BRINP2: variants seen among roughly 807,000 people sequenced by gnomAD.
BRINP2 encodes the protein BMP/retinoic acid-inducible neural-specific protein 2.
A neutral mutation model predicts 69.2 loss-of-function variants in BRINP2; 21 were observed. That is an observed-to-expected ratio of 0.30 (90% CI 0.22 to 0.44). The LOEUF (loss-of-function observed/expected upper bound fraction) is 0.44. Among genes scored for constraint, BRINP2 ranks in the 20% least tolerant of loss-of-function variants. BRINP2 has a pLI of 1.00. For synonymous variants in BRINP2, 380 were observed against 394.1 expected (o/e 0.96, Z 0.42); for missense variants, 877 against 986.0 (o/e 0.89, Z 1.48).
intron 1 of BRINP2, among the ~76,000 whole-genome samples, chr1:177,201,168 C>T (rs955215761): frequency 6.6e-6 from 1 of 152,016 alleles, no homozygotes; most frequent in African/African-American, 2.4e-5. Context: ...CCACCTGTTT[C>T]CCCCAAAACT....
At chr1:177,199,834 T>C (rs1648849806) in intron 1 of BRINP2, among the ~76,000 whole-genome samples, 1 of 152,228 alleles carries the variant, frequency 6.6e-6, no homozygotes. Context: ...AAGCAATGCA[T>C]CTGCAGATAT....
rs148509830 is a variant in BRINP2 at position 177,229,029 on chromosome 1, C to G, written c.-76-772C>G. ...GCAGTTATTGCTCAGCCCTGCCCCT[C>G]GTGGTGCTCTCAAGCTGCATGGTGA... On this transcript the variant is annotated intron_variant, in intron 1 of 7. Coordinates refer to ENST00000361539, the MANE Select transcript of BRINP2 (RefSeq NM_021165.4). Among the ~76,000 whole-genome samples, 69 of 152,272 alleles carry G rather than the reference C, an allele frequency of 4.5e-4. No homozygotes were observed. In the East Asian group the frequency reaches 0.013, roughly 28 times the overall value.
At chr1:177,276,000 C>A (rs1270362207) in intron 5 of BRINP2, among the ~76,000 whole-genome samples, 198 bp from the exon 6 acceptor site, 1 of 152,196 alleles carries the variant, frequency 6.6e-6, no homozygotes, top group African/African-American at 2.4e-5. Flanking sequence ...ATTTTCAGAT[C>A]CTCCCCCATC....
intron 2 of BRINP2, among the ~76,000 whole-genome samples, chr1:177,234,753 G>C (rs1190477017): frequency 6.6e-6 from 1 of 152,026 alleles, no homozygotes; most frequent in Non-Finnish European, 1.5e-5. Flanking sequence ...GATGGTCTGG[G>C]GATACATTAG....
At chr1:177,245,493 G>A (rs989754551) in intron 2 of BRINP2, among the ~76,000 whole-genome samples, 1 of 152,216 alleles carries the variant, frequency 6.6e-6, no homozygotes, top group Non-Finnish European at 1.5e-5. Context: ...TGGGAGTCAA[G>A]TAAATAAAGG....
At position 177,206,332 on chromosome 1, in the gene BRINP2, A is replaced by G. The variant is rs77131880; in HGVS notation, c.-76-23469A>G. Among the ~76,000 whole-genome samples, 18 of 152,330 alleles carry G rather than the reference A, an allele frequency of 1.2e-4. 1 individual carries two copies. The East Asian group carries it at 3.3e-3, about 28-fold the overall frequency. ...ATTTATTATCATTTCCAATCACTAAATTTTGTTATAAGGTAAGAAAATAAT... is the reference window on the plus strand; with the variant it reads ...ATTTATTATCATTTCCAATCACTAAGTTTTGTTATAAGGTAAGAAAATAAT... On this transcript the variant is annotated intron_variant, in intron 1 of 7. Coordinates refer to ENST00000361539, the MANE Select transcript of BRINP2 (RefSeq NM_021165.4).
intron 4 of BRINP2, among the ~76,000 whole-genome samples, chr1:177,270,286 G>A (rs1651273074): frequency 6.6e-6 from 1 of 152,054 alleles, no homozygotes. Context: ...TCACTCTGTG[G>A]GTTTTTCACT....
chr1:177,186,767 G>A (rs12117882), intron 1 of BRINP2, among the ~76,000 whole-genome samples: 1 of 152,240 alleles, frequency 6.6e-6, no homozygotes, highest in Non-Finnish European at 1.5e-5. Flanking sequence ...GCTAGTTGTA[G>A]GCGTATCCCA....
intron 4 of BRINP2, among the ~76,000 whole-genome samples, chr1:177,257,977 A>G (rs1240689634): frequency 6.6e-6 from 1 of 152,204 alleles, no homozygotes; most frequent in Non-Finnish European, 1.5e-5. Flanking sequence ...GGGGAGGTGA[A>G]TAACAAAGAG....
At chr1:177,236,918 T>TAA (rs59673685) in intron 2 of BRINP2, among the ~76,000 whole-genome samples, 179 of 116,100 alleles carry the variant, frequency 1.5e-3, no homozygotes, top group African/African-American at 4.9e-3. Context: ...AGGGTGCAAC[T>TAA]AAAAAAAAAA....
Position 177,198,521 on chromosome 1 carries a change from T to C in BRINP2, c.-77+26789T>C, listed in dbSNP as rs140818010. Among the ~76,000 whole-genome samples the C allele has an allele frequency of 5.7e-4, 87 of 152,304 alleles. No individual in the cohort carries two copies. In the East Asian group the frequency reaches 0.016, roughly 27 times the overall value. The stretch of plus-strand genomic sequence containing the variant: ...GGCGACAGTGCTGTATGGGTACTAA[T>C]GAATCATGTGGGAGTTCAGAACCCT... On this transcript the variant is annotated intron_variant, in intron 1 of 7. Coordinates refer to ENST00000361539, the MANE Select transcript of BRINP2 (RefSeq NM_021165.4).
At chr1:177,278,834 A>G (rs1279284140) in intron 7 of BRINP2, 49 bp downstream of exon 7, 1 of 1,580,480 alleles carries the variant, frequency 6.3e-7, no homozygotes, top group Admixed American at 1.7e-5. Flanking sequence ...CTCCCCTGAC[A>G]GCTGCTGAGG....
rs1438408676 is a variant in BRINP2, at chr1:177,278,869, T to C, written c.1235+84T>C. The C allele has an allele frequency of 5.1e-6, 7 of 1,364,640 alleles. No homozygotes were observed. The Admixed American group carries it at 1.1e-4, about 21-fold the overall frequency. The allele number at this position is 1,364,640 out of a possible 1,614,324, so 84.5% of individuals were successfully genotyped here. A position where few individuals can be genotyped will look rare whatever the true frequency, so the allele number is the denominator to read the frequency against. ...GCCAAGGAGAACCCTCTGTCCAATG[T>C]AGGGGATCAGGGAGTGGTGACTCAC... On this transcript the variant is annotated intron_variant, in intron 7 of 7. Coordinates refer to ENST00000361539, the MANE Select transcript of BRINP2 (RefSeq NM_021165.4).
intron 3 of BRINP2, chr1:177,256,334 T>A (rs1650756813): frequency 3.0e-6 from 3 of 985,308 alleles, no homozygotes; most frequent in Non-Finnish European, 3.6e-6. Flanking sequence ...GTATGGCGGT[T>A]GGAGGTGGAC....
intron 2 of BRINP2, among the ~76,000 whole-genome samples, chr1:177,248,435 TTG>T (rs138306668): frequency 2.9e-3 from 427 of 146,900 alleles, no homozygotes; most frequent in African/African-American, 8.9e-3. Flanking sequence ...GAGGTACAGT[TTG>T]TGTGTGTGTG....
chr1:177,196,880 T>A (rs1433467140), intron 1 of BRINP2, among the ~76,000 whole-genome samples: 2 of 152,140 alleles, frequency 1.3e-5, no homozygotes, highest in East Asian at 3.9e-4. Context: ...TCTTAACGTC[T>A]GTGCTGAAAA....
At chr1:177,228,487 A>G (rs1382434994) in intron 1 of BRINP2, among the ~76,000 whole-genome samples, 1 of 152,176 alleles carries the variant, frequency 6.6e-6, no homozygotes, top group Non-Finnish European at 1.5e-5. Context: ...GGGGGCATAA[A>G]TCAAGTACTG....
intron 1 of BRINP2, among the ~76,000 whole-genome samples, chr1:177,208,589 A>G (rs1010462398): frequency 3.3e-5 from 5 of 152,068 alleles, no homozygotes; most frequent in African/African-American, 1.2e-4. Context: ...CTTCTCCACT[A>G]CATTCTACAT....
intron 4 of BRINP2, among the ~76,000 whole-genome samples, chr1:177,262,761 G>C (rs1417351849): frequency 2.0e-5 from 3 of 152,120 alleles, no homozygotes; most frequent in Admixed American, 2.0e-4. Flanking sequence ...GAAAGTCTTT[G>C]GCTAACAGGA....
Sources: allele counts gnomAD v4.1 joint callset (sites outside exome capture counted in the v4.1 genomes callset), GRCh38; gene constraint gnomAD v4.1.1; transcripts MANE v1.5; gene names NCBI Gene and HGNC (gene_info 2026-07-23, HGNC 2026-07-21).